The following DRD3 variants were observed in gnomAD, a reference collection of about 807,000 sequenced individuals.
DRD3 encodes dopamine receptor D3, also known as D(3) dopamine receptor.
In DRD3, 19 loss-of-function variants were observed where a neutral mutation model predicts 36.3. That is an observed-to-expected ratio of 0.52 (90% CI 0.36 to 0.77). DRD3 has a LOEUF of 0.77. Among genes scored for constraint, DRD3 ranks in the 30% least tolerant of loss-of-function variants. The pLI, the probability that DRD3 is intolerant of heterozygous loss-of-function variation, is 0.00. For missense variants in DRD3, 465 were observed against 505.3 expected, an observed-to-expected ratio of 0.92 and a Z score of 0.77; for synonymous variants, 195 against 203.7, an observed-to-expected ratio of 0.96 and a Z score of 0.36.
intron 1 of DRD3, among the ~76,000 whole-genome samples, chr3:114,185,721 G>A (rs904391339): frequency 6.6e-6 from 1 of 151,986 alleles, no homozygotes; most frequent in African/African-American, 2.4e-5. Context: ...TGTCACCCAG[G>A]CTAGTGTGCA....
chr3:114,156,795 CTTTCTCT>C (rs2077680504), intron 3 of DRD3, among the ~76,000 whole-genome samples: 1 of 96,852 alleles, frequency 1.0e-5, no homozygotes, highest in Non-Finnish European at 2.2e-5. Flanking sequence ...TTCTTTCTTT[CTTTCTCT>C]TTTCTTTTTC....
intron 1 of DRD3, among the ~76,000 whole-genome samples, chr3:114,194,642 G>A (rs911794974): frequency 5.3e-5 from 8 of 152,264 alleles, no homozygotes; most frequent in South Asian, 4.1e-4. Context: ...TGAGCATGCC[G>A]ACTTTTCTGA....
chr3:114,169,178 A>G (rs1002469957), intron 2 of DRD3, among the ~76,000 whole-genome samples: 3 of 151,704 alleles, frequency 2.0e-5, no homozygotes, highest in African/African-American at 7.3e-5. Context: ...CCCATATTTT[A>G]AGGGCTCAAA....
intron 3 of DRD3, among the ~76,000 whole-genome samples, chr3:114,155,469 C>A (rs1382217280): frequency 2.0e-5 from 3 of 152,114 alleles, no homozygotes; most frequent in Non-Finnish European, 4.4e-5. Flanking sequence ...GAAGCCAATT[C>A]AAAGTTACTC....
At chr3:114,193,628 AGAG>A (rs905960957) in intron 1 of DRD3, among the ~76,000 whole-genome samples, 7 of 152,196 alleles carry the variant, frequency 4.6e-5, no homozygotes, top group African/African-American at 1.7e-4. Context: ...TAAGGGAGGA[AGAG>A]GAGGAGATAA....
At chr3:114,157,164 C>A (rs1339511894) in intron 3 of DRD3, among the ~76,000 whole-genome samples, 1 of 151,894 alleles carries the variant, frequency 6.6e-6, no homozygotes, top group Non-Finnish European at 1.5e-5. Flanking sequence ...AGCGGTTCTC[C>A]AGCCTCTGCC....
chr3:114,165,108 T>C (rs938750434), intron 2 of DRD3, among the ~76,000 whole-genome samples: 1 of 152,250 alleles, frequency 6.6e-6, no homozygotes, highest in Non-Finnish European at 1.5e-5. Flanking sequence ...ATATCAGTTT[T>C]ATTGAAATAT....
At chr3:114,197,118 C>CT (rs1055135684) in intron 1 of DRD3, among the ~76,000 whole-genome samples, 25 of 140,928 alleles carry the variant, frequency 1.8e-4, no homozygotes, top group African/African-American at 3.1e-4. Flanking sequence ...TTACTTTTTC[C>CT]TTTTTTTTTT....
chr3:114,173,128 C>G (rs1205473414), intron 1 of DRD3, among the ~76,000 whole-genome samples: 7 of 152,128 alleles, frequency 4.6e-5, no homozygotes, highest in Non-Finnish European at 8.8e-5. Context: ...TAGCTAATCT[C>G]TTTCACCATG....
At chr3:114,160,041 T>C (rs886291772) in intron 2 of DRD3, among the ~76,000 whole-genome samples, 174 bp from the exon 3 acceptor site, 1 of 152,162 alleles carries the variant, frequency 6.6e-6, no homozygotes, top group Admixed American at 6.5e-5. Context: ...TATCCAAAAC[T>C]GGTTGCCTAA....
At chr3:114,195,354 T>A (rs1276155238) in intron 1 of DRD3, among the ~76,000 whole-genome samples, 1 of 152,208 alleles carries the variant, frequency 6.6e-6, no homozygotes, top group Admixed American at 6.5e-5. Flanking sequence ...GTAAGGGATG[T>A]CTGGCTGATA....
chr3:114,160,855 G>A (rs1160759884), intron 2 of DRD3, among the ~76,000 whole-genome samples: 1 of 127,940 alleles, frequency 7.8e-6, no homozygotes, highest in Non-Finnish European at 1.8e-5. Context: ...CCACTACTCA[G>A]AATTCATGAG....
In DRD3 at chr3:114,133,430, G is replaced by A. The variant is rs948793446; in HGVS notation, c.724-2030C>T. 5.7e-4 allele frequency among the ~76,000 whole-genome samples: 86 copies of A among 151,980 alleles called. 1 individual carries two copies. The highest frequency in any genetic ancestry group is 2.1e-3 in the African/African-American group (85 of 41,436). ...GATGAAATAAGACTGACCACGAATTGATCACGACTGAGGCTGCCTGATGGC... is the reference window on the plus strand; with the variant it reads ...GATGAAATAAGACTGACCACGAATTAATCACGACTGAGGCTGCCTGATGGC... On this transcript the variant is annotated intron_variant, in intron 5 of 6. Transcript: ENST00000383673.
intron 3 of DRD3, among the ~76,000 whole-genome samples, chr3:114,156,926 T>A (rs537490089): frequency 1.3e-5 from 2 of 149,186 alleles, no homozygotes; most frequent in South Asian, 2.2e-4. Flanking sequence ...CTTCCTTCCT[T>A]CCTTCTCTTT....
At chr3:114,188,429 C>T (rs946698850) in intron 1 of DRD3, among the ~76,000 whole-genome samples, 2 of 152,034 alleles carry the variant, frequency 1.3e-5, no homozygotes, top group African/African-American at 4.8e-5. Context: ...CCAGGCTGGC[C>T]TTGAACTCCT....
At chr3:114,147,387 A>T (rs1457502688) in intron 4 of DRD3, 28 bp downstream of exon 4, 7 of 1,603,442 alleles carry the variant, frequency 4.4e-6, no homozygotes, top group Non-Finnish European at 6.0e-6. Context: ...AATCACATGG[A>T]TGCTAGAAAT....
chr3:114,180,554 C>T (rs1045187330), upstream of DRD3, among the ~76,000 whole-genome samples: 7 of 152,088 alleles, frequency 4.6e-5, no homozygotes, highest in African/African-American at 1.7e-4. Context: ...CCAAACCTGC[C>T]ACCCTGTTGA....
intron 2 of DRD3, among the ~76,000 whole-genome samples, chr3:114,171,284 AT>A (rs113588519): frequency 1.3e-4 from 20 of 150,124 alleles, no homozygotes; most frequent in Admixed American, 3.3e-4. Flanking sequence ...ACATTCACTA[AT>A]TTTTTTTTTC....
At chr3:114,192,666 T>A (rs2078016815) in intron 1 of DRD3, among the ~76,000 whole-genome samples, 1 of 152,332 alleles carries the variant, frequency 6.6e-6, no homozygotes, top group East Asian at 1.9e-4. Context: ...CAGATGTTCA[T>A]CGAGCTTCCA....
Sources: allele counts gnomAD v4.1 joint callset (sites outside exome capture counted in the v4.1 genomes callset), GRCh38; gene constraint gnomAD v4.1.1; transcripts MANE v1.5; gene names NCBI Gene and HGNC (gene_info 2026-07-23, HGNC 2026-07-21).